Variants in PRCP observed in about 807,000 individuals in gnomAD.
The protein encoded by PRCP is lysosomal Pro-X carboxypeptidase.
A neutral mutation model predicts 54.2 loss-of-function variants in PRCP; 46 were observed. That is an observed-to-expected ratio of 0.85 (90% CI 0.67 to 1.09). The LOEUF (loss-of-function observed/expected upper bound fraction) is 1.09, where lower values mean the gene tolerates loss of function less well. PRCP is among the 50% of genes least tolerant of loss of function. The pLI is 0.00. For missense variants in PRCP, 613 were observed against 596.8 expected, an observed-to-expected ratio of 1.03 and a Z score of -0.28; for synonymous variants, 240 against 212.2, an observed-to-expected ratio of 1.13 and a Z score of -1.14.
intron 1 of PRCP, among the ~76,000 whole-genome samples, chr11:82,880,481 G>T (rs1859721728): frequency 1.3e-5 from 2 of 152,220 alleles, no homozygotes; most frequent in Admixed American, 1.3e-4. Context: ...CTGACCCCTT[G>T]CACTTCCCAG....
At chr11:82,852,473 T>C (rs925319899) in intron 3 of PRCP, among the ~76,000 whole-genome samples, 3 of 152,188 alleles carry the variant, frequency 2.0e-5, no homozygotes, top group East Asian at 1.9e-4. Context: ...TTTAGTGTAA[T>C]TTGTAAAGAA....
At chr11:82,878,718 C>CTCTT in intron 1 of PRCP, among the ~76,000 whole-genome samples, 1 of 152,288 alleles carries the variant, frequency 6.6e-6, no homozygotes, top group East Asian at 1.9e-4. Flanking sequence ...CCTTCAGGAA[C>CTCTT]GCTTGTAGGG....
chr11:82,884,573 G>C (rs990291703), intron 1 of PRCP, among the ~76,000 whole-genome samples: 6 of 152,108 alleles, frequency 3.9e-5, no homozygotes, highest in Non-Finnish European at 7.4e-5. Flanking sequence ...AAATCCAGTT[G>C]TGTCAAGTCT....
At chr11:82,870,604 A>G (rs1411374033) in intron 1 of PRCP, among the ~76,000 whole-genome samples, 1 of 152,246 alleles carries the variant, frequency 6.6e-6, no homozygotes, top group Admixed American at 6.5e-5. Context: ...TAATCTATTA[A>G]AAGAGATAGT....
In PRCP at chr11:82,900,335, C is replaced by G; in HGVS notation, c.68G>C (p.Arg23Pro). The G allele has an allele frequency of 6.2e-7, 1 of 1,614,144 alleles. No homozygotes were observed. Among genetic ancestry groups the G allele is most frequent in the Non-Finnish European group, 8.5e-7 (1 of 1,180,000 alleles). The part of the protein sequence containing the change: ...FLAPWATIAL[R>P]PALRALGSLH... ...GCTGCCGAGGGCCCTTAAGGCCGGC[C>G]GGAGGGCTATGGTGGCCCAGGGCGC... Residue 23 changes from arginine to proline, a missense_variant, in exon 1 of 9, where the codon CGG becomes CCG. Arg to Pro is a moderately radical substitution (Grantham distance 103). Coordinates refer to ENST00000313010, the MANE Select transcript of PRCP (RefSeq NM_005040.4).
intron 2 of PRCP, among the ~76,000 whole-genome samples, chr11:82,855,012 A>G (rs888937951): frequency 2.0e-5 from 3 of 152,224 alleles, no homozygotes; most frequent in African/African-American, 7.2e-5. Context: ...ACCATATACA[A>G]AAATCAACTC....
rs1858198711 is a variant in PRCP, at chr11:82,825,258, C to A, written c.1275-136G>T. The A allele has an allele frequency of 7.8e-6, 6 of 770,488 alleles. 1 individual carries two copies. In the South Asian group the frequency reaches 1.1e-4, roughly 14 times the overall value. 47.7% of individuals were successfully genotyped at this position (770,488 alleles called of 1,614,324 possible). A position where few individuals can be genotyped will look rare whatever the true frequency, so the allele number is the denominator to read the frequency against. Reference sequence around the variant, plus strand: ...AACCTGGGGGATTTGATCTGAGGATCTAATTTATCATATGGATAGATACTT... The same window carrying A: ...AACCTGGGGGATTTGATCTGAGGATATAATTTATCATATGGATAGATACTT... On this transcript the variant is annotated intron_variant, in intron 8 of 8. Coordinates refer to ENST00000313010, the MANE Select transcript of PRCP (RefSeq NM_005040.4).
intron 8 of PRCP, chr11:82,836,404 C>T (rs1858526508): frequency 6.5e-6 from 1 of 153,640 alleles, no homozygotes; most frequent in East Asian, 1.9e-4. Context: ...CACCATGAAA[C>T]CTCTACAGGT....
intron 1 of PRCP, among the ~76,000 whole-genome samples, chr11:82,875,346 C>T (rs886683894): frequency 2.6e-5 from 4 of 152,204 alleles, no homozygotes; most frequent in South Asian, 2.1e-4. Context: ...TGACCTCACC[C>T]GAACTTAGAC....
At chr11:82,895,557 G>C (rs780003172) in intron 1 of PRCP, among the ~76,000 whole-genome samples, 1 of 152,138 alleles carries the variant, frequency 6.6e-6, no homozygotes, top group South Asian at 2.1e-4. Context: ...TCATATCTAA[G>C]GGGAAGGCTA....
Position 82,823,731 on chromosome 11 carries a change from G to A in PRCP, c.*1175C>T, listed in dbSNP as rs1053709018. On this transcript the variant is annotated 3_prime_UTR_variant, in exon 9 of 9. Coordinates refer to ENST00000313010, the MANE Select transcript of PRCP (RefSeq NM_005040.4). ...TCTCTGTCTCTCTGTGTCCCTGAAA[G>A]GTTTTGATCCAACCCTATTTGTTAT... 3 of 139,722 alleles carry A rather than the reference G, an allele frequency of 2.1e-5. No homozygotes were observed. The highest frequency in any genetic ancestry group is 4.4e-5 in the Non-Finnish European group (3 of 67,964). 8.7% of individuals were successfully genotyped at this position (139,722 alleles called of 1,614,324 possible). A position where few individuals can be genotyped will look rare whatever the true frequency, so the allele number is the denominator to read the frequency against.
At chr11:82,878,139 C>T (rs943033788) in intron 1 of PRCP, among the ~76,000 whole-genome samples, 1 of 152,202 alleles carries the variant, frequency 6.6e-6, no homozygotes. Context: ...TGGCCAATCT[C>T]TCCCATTTGG....
At chr11:82,848,646 A>C (rs773224756) in intron 6 of PRCP, among the ~76,000 whole-genome samples, 4 of 152,216 alleles carry the variant, frequency 2.6e-5, no homozygotes, top group Admixed American at 6.5e-5. Context: ...TATGATAATG[A>C]CTGCCATTTA....
intron 3 of PRCP, 144 bp downstream of exon 3, chr11:82,853,033 A>G (rs1858994632): frequency 5.6e-6 from 3 of 538,872 alleles, no homozygotes; most frequent in Non-Finnish European, 9.5e-6. Flanking sequence ...TTCAAATTGT[A>G]TCTAAAAAGA....
At chr11:82,843,588 T>C (rs555924630) in intron 6 of PRCP, among the ~76,000 whole-genome samples, 14 of 88,110 alleles carry the variant, frequency 1.6e-4, no homozygotes, top group African/African-American at 7.2e-4. Flanking sequence ...ACCATCTCTG[T>C]CCAAAATACT....
intron 1 of PRCP, among the ~76,000 whole-genome samples, chr11:82,870,802 A>T (rs1859461219): frequency 6.6e-6 from 1 of 152,178 alleles, no homozygotes. Context: ...GGTTGGATAA[A>T]ACTAGGATGA....
At chr11:82,843,326 G>A (rs569252079) in intron 6 of PRCP, 28 of 149,806 alleles carry the variant, frequency 1.9e-4, no homozygotes, top group African/African-American at 5.9e-4. Flanking sequence ...AAAAAAAGAC[G>A]AGTAGTTTAA....
intron 1 of PRCP, among the ~76,000 whole-genome samples, chr11:82,889,703 A>G (rs1859957244): frequency 6.6e-6 from 1 of 152,224 alleles, no homozygotes; most frequent in Non-Finnish European, 1.5e-5. Flanking sequence ...ATGTGGATTA[A>G]CACATAGACA....
At chr11:82,856,218 G>C (rs1043270194) in intron 2 of PRCP, among the ~76,000 whole-genome samples, 1 of 152,114 alleles carries the variant, frequency 6.6e-6, no homozygotes, top group Admixed American at 6.5e-5. Flanking sequence ...ACATGCACTT[G>C]TATGTTCATC....
Sources: gnomAD v4.1 joint callset for allele counts (sites outside exome capture counted in the v4.1 genomes callset) on GRCh38, gnomAD v4.1.1 for gene constraint, MANE v1.5 for transcripts, NCBI Gene and HGNC (gene_info 2026-07-23, HGNC 2026-07-21) for gene names.